The following LHFPL7 variants were observed in gnomAD, a reference collection of about 807,000 sequenced individuals.
LHFPL7 encodes the protein LHFPL tetraspan subfamily member 7, also known as LHFPL tetraspan subfamily member 7 protein.
chr22:24,938,281 C>G, the LHFPL7 span: 1 of 1,613,326 alleles, frequency 6.2e-7, no homozygotes, highest in Non-Finnish European at 8.5e-7. Context: ...AGCATCACAG[C>G]TGAGACCTGC....
chr22:24,935,454 G>A, the LHFPL7 span: 3 of 1,614,078 alleles, frequency 1.9e-6, no homozygotes, highest in South Asian at 1.1e-5. Flanking sequence ...GGCCAGGACT[G>A]CATTGAGGAT....
chr22:24,940,123 C>T, the LHFPL7 span, among the ~76,000 whole-genome samples: 1 of 149,196 alleles, frequency 6.7e-6, no homozygotes, highest in Non-Finnish European at 1.5e-5. Context: ...GAGACGGGTT[C>T]CACCGTGTTA....
the LHFPL7 span, among the ~76,000 whole-genome samples, chr22:24,936,433 T>C: frequency 0.02 from 3,030 of 152,260 alleles, 96 homozygotes; most frequent in African/African-American, 0.069. Flanking sequence ...CAACAGTTCA[T>C]TCATCCACTT....
chr22:24,938,091 T>TCATTCATTCATTCATG, the LHFPL7 span: 2 of 1,576,586 alleles, frequency 1.3e-6, no homozygotes, highest in African/African-American at 1.3e-5. Context: ...ATTCATTCAT[T>TCATTCATTCATTCATG]CATTCATTCC....
chr22:24,938,073 A>T, the LHFPL7 span: 2 of 1,432,952 alleles, frequency 1.4e-6, no homozygotes, highest in Non-Finnish European at 1.9e-6. Context: ...TCACAGACTC[A>T]TTCATTCATT....
chr22:24,939,231 G>T, the LHFPL7 span: 7 of 689,948 alleles, frequency 1.0e-5, no homozygotes, highest in Admixed American at 1.4e-4. Flanking sequence ...GGGACACTCA[G>T]GCAGTGAGGA....
the LHFPL7 span, among the ~76,000 whole-genome samples, chr22:24,935,951 A>C: frequency 6.6e-6 from 1 of 151,742 alleles, no homozygotes; most frequent in Non-Finnish European, 1.5e-5. Context: ...CCATTCATCC[A>C]TCCAGTATAC....
At chr22:24,944,808 T>G in the LHFPL7 span, among the ~76,000 whole-genome samples, 1 of 151,648 alleles carries the variant, frequency 6.6e-6, no homozygotes, top group Non-Finnish European at 1.5e-5. Context: ...TCTTTTTTTG[T>G]TTTGTTTTGT....
chr22:24,940,706 TCC>T, the LHFPL7 span, among the ~76,000 whole-genome samples: 3 of 25,728 alleles, frequency 1.2e-4, no homozygotes, highest in African/African-American at 2.4e-4. Flanking sequence ...CCTCCTTCCC[TCC>T]TTCCCTTTCT....
At chr22:24,936,265 ACCAAT>A in the LHFPL7 span, among the ~76,000 whole-genome samples, 2 of 151,848 alleles carry the variant, frequency 1.3e-5, no homozygotes, top group Non-Finnish European at 2.9e-5. Context: ...CTTGCCTCCC[ACCAAT>A]CCATCCATCC....
the LHFPL7 span, chr22:24,939,329 T>C: frequency 1.4e-6 from 1 of 702,892 alleles, no homozygotes; most frequent in Admixed American, 2.0e-5. Context: ...GTGAGCCAGC[T>C]CTCACCTTCC....
chr22:24,938,362 G>T, the LHFPL7 span: 13 of 1,609,790 alleles, frequency 8.1e-6, no homozygotes, highest in Non-Finnish European at 8.5e-7. Flanking sequence ...TCACAGCTGA[G>T]ACCTGCAAGG....
chr22:24,937,003 G>A, the LHFPL7 span, among the ~76,000 whole-genome samples: 1 of 152,130 alleles, frequency 6.6e-6, no homozygotes. Flanking sequence ...TGTTTATTGG[G>A]CACCTATTAT....
At chr22:24,943,071 G>T in the LHFPL7 span, among the ~76,000 whole-genome samples, 1 of 151,832 alleles carries the variant, frequency 6.6e-6, no homozygotes, top group East Asian at 1.9e-4. Flanking sequence ...AGTGAGAGGG[G>T]ACAGTATTTT....
At chr22:24,939,104 G>T in the LHFPL7 span, among the ~76,000 whole-genome samples, 1 of 152,208 alleles carries the variant, frequency 6.6e-6, no homozygotes, top group Admixed American at 6.5e-5. Flanking sequence ...AGGGGCTCCG[G>T]GTGGAGCACA....
chr22:24,945,309 A>C, the LHFPL7 span, among the ~76,000 whole-genome samples: 92 of 152,316 alleles, frequency 6.0e-4, no homozygotes, highest in African/African-American at 2.0e-3. Context: ...TCCTGGGTGG[A>C]GAACAGGCAG....
At chr22:24,939,656 C>G in the LHFPL7 span, 1 of 656,238 alleles carries the variant, frequency 1.5e-6, no homozygotes, top group Non-Finnish European at 2.8e-6. Flanking sequence ...TATGATCAGA[C>G]CCCAGATCAT....
At chr22:24,941,172 T>C in the LHFPL7 span, among the ~76,000 whole-genome samples, 1 of 143,038 alleles carries the variant, frequency 7.0e-6, no homozygotes, top group African/African-American at 2.6e-5. Flanking sequence ...TGGTATTATC[T>C]TTTTTTTTTT....
chr22:24,939,615 C>T, the LHFPL7 span: 1 of 692,164 alleles, frequency 1.4e-6, no homozygotes, highest in Non-Finnish European at 2.6e-6. Flanking sequence ...AAGGGGCTGG[C>T]CGAGGTGCTC....
Sources: allele counts gnomAD v4.1 joint callset (sites outside exome capture counted in the v4.1 genomes callset), GRCh38; gene constraint gnomAD v4.1.1; transcripts MANE v1.5; gene names NCBI Gene and HGNC (gene_info 2026-07-23, HGNC 2026-07-21).